PPP1R18: variants seen among roughly 807,000 people sequenced by gnomAD.
PPP1R18 encodes protein phosphatase 1 regulatory subunit 18.
PPP1R18 carries 31 observed loss-of-function variants against 54.8 expected under a neutral mutation model. The observed-to-expected ratio is 0.57, with a 90% CI of 0.43 to 0.76. The LOEUF is 0.76. PPP1R18 is among the 30% of genes least tolerant of loss of function. PPP1R18 has a pLI of 0.00. For missense variants in PPP1R18, 685 were observed against 776.1 expected (o/e 0.88, Z 1.39); for synonymous variants, 310 against 320.2 (o/e 0.97, Z 0.34).
chr6:30,676,961 G>C lies in PPP1R18; in HGVS notation c.*308C>G. On this transcript the variant is annotated 3_prime_UTR_variant, in exon 3 of 3. Coordinates refer to ENST00000274853, the MANE Select transcript of PPP1R18 (RefSeq NM_133471.4). Reference sequence around the variant, plus strand: ...CTGTGGGGAGAGTGTACCCTGCCATGGGGGGCAGGTGCTCCATCTCCACCC... The same window carrying C: ...CTGTGGGGAGAGTGTACCCTGCCATCGGGGGCAGGTGCTCCATCTCCACCC... 1.9e-6 allele frequency: 1 copy of C among 539,686 alleles called. No homozygotes were observed. Among genetic ancestry groups the C allele is most frequent in the South Asian group, 2.1e-5 (1 of 47,084 alleles). 33.4% of individuals were successfully genotyped at this position (539,686 alleles called of 1,614,324 possible). A position where few individuals can be genotyped will look rare whatever the true frequency, so the allele number is the denominator to read the frequency against.
intron 1 of PPP1R18, among the ~76,000 whole-genome samples, chr6:30,682,306 G>C (rs540425834): frequency 5.3e-5 from 8 of 152,202 alleles, no homozygotes; most frequent in African/African-American, 1.7e-4. Flanking sequence ...TGGTCTCTCA[G>C]CCCAACCAAG....
chr6:30,679,244 T>C lies in PPP1R18; in HGVS notation c.1757A>G (p.Glu586Gly). ...PAAQPDDEED[E>G]EELLLLQPEL... is the part of the protein sequence containing the mutation. ...TGGCTGCAGCAGCAGCAGCTCTTCCTCATCCTCTTCGTCGTCGGGTTGGGC... is the reference window on the plus strand; with the variant it reads ...TGGCTGCAGCAGCAGCAGCTCTTCCCCATCCTCTTCGTCGTCGGGTTGGGC... The change falls in exon 2 of 3, where the codon GAG (glutamate) becomes GGG (glycine). Residue 586 changes from glutamate to glycine, a missense_variant. By Grantham distance (98) the Glu-to-Gly change is moderately conservative (BLOSUM62 -2). Transcript: ENST00000274853. 1 of 1,578,472 alleles carries C rather than the reference T, an allele frequency of 6.3e-7. No homozygotes were observed. Among genetic ancestry groups the C allele is most frequent in the African/African-American group, 1.4e-5 (1 of 73,350 alleles).
chr6:30,680,600 G>A (rs1391443003), intron 1 of PPP1R18, among the ~76,000 whole-genome samples: 3 of 151,830 alleles, frequency 2.0e-5, no homozygotes, highest in African/African-American at 4.8e-5. Flanking sequence ...AGGTTGAGGC[G>A]GGAGGATTTC....
chr6:30,679,166 A>G lies in PPP1R18; in HGVS notation c.1822+13T>C. On this transcript the variant is annotated intron_variant, in intron 2 of 2. Coordinates refer to ENST00000274853, the MANE Select transcript of PPP1R18 (RefSeq NM_133471.4). Reference sequence around the variant, plus strand: ...GCAGGGGGCGCCCTCGGGCCGGCGGAGCCTCCGCTTACCCACAATCAGGGC... The same window carrying G: ...GCAGGGGGCGCCCTCGGGCCGGCGGGGCCTCCGCTTACCCACAATCAGGGC... 1 of 1,594,508 alleles carries G rather than the reference A, an allele frequency of 6.3e-7. No individual in the cohort carries two copies. Among genetic ancestry groups the G allele is most frequent in the Non-Finnish European group, 8.5e-7 (1 of 1,176,068 alleles).
chr6:30,681,218 G>T (rs961395323), intron 1 of PPP1R18, among the ~76,000 whole-genome samples: 9 of 151,594 alleles, frequency 5.9e-5, no homozygotes, highest in Non-Finnish European at 1.3e-4. Context: ...AGCCACACTG[G>T]CCTTGGTTCC....
rs1770737647 is a variant in PPP1R18, at chr6:30,684,480, C to G, written c.1539G>C (p.Leu513Phe). 6.2e-7 allele frequency: 1 copy of G among 1,611,320 alleles called. No homozygotes were observed. Among genetic ancestry groups the G allele is most frequent in the East Asian group, 2.2e-5 (1 of 44,842 alleles). ...TGAGACGGAGGTAGCCCCCCAGAAC[C>G]AAGATCTCCTCGGCAGTTGGGTACC... is the stretch of plus-strand genomic sequence containing the variant. ...KKRYPTAEEI[L>F]VLGGYLRLSR... The change falls in exon 1 of 3, where the codon TTG becomes TTC. Residue 513 changes from leucine to phenylalanine, a missense_variant. Transcript: ENST00000274853. The surrounding 1 kb of genome is among the most constrained non-coding windows in gnomAD (Gnocchi z 6.0).
chr6:30,678,279 G>A (rs1770315738), intron 2 of PPP1R18, among the ~76,000 whole-genome samples: 1 of 151,746 alleles, frequency 6.6e-6, no homozygotes, highest in Admixed American at 6.6e-5. Context: ...GTGCAATATT[G>A]GTTCACTGCA....
chr6:30,677,964 G>A (rs549325923), intron 2 of PPP1R18, among the ~76,000 whole-genome samples: 2 of 152,286 alleles, frequency 1.3e-5, no homozygotes, highest in South Asian at 2.1e-4. Context: ...AGGCTGGAGT[G>A]TAGTGGCGTC....
In PPP1R18 at chr6:30,684,819, G is replaced by A. The variant is rs1313053815; in HGVS notation, c.1200C>T (p.Pro400=). The change falls in exon 1 of 3, where the codon CCC becomes CCT. Residue 400 remains proline, a synonymous_variant. Coordinates refer to ENST00000274853, the MANE Select transcript of PPP1R18 (RefSeq NM_133471.4). This position sits in a 1 kb window ranked among gnomAD's most constrained non-coding sequence, Gnocchi z 6.0. ...CAGCGTCCTCTGGTGGGAGGGGGGA[G>A]GGCACAGAGCAGCAGTTCTGCAGGG... ...LRALQNCCSV[P]SPLPPEDAGT... The A allele has an allele frequency of 3.1e-6, 5 of 1,612,156 alleles. No homozygotes were observed. The African/African-American group carries it at 4.0e-5, about 13-fold the overall frequency.
At position 30,684,532 on chromosome 6, in the gene PPP1R18, G is replaced by A. The variant is rs773323281; in HGVS notation, c.1487C>T (p.Ala496Val). 1.9e-6 allele frequency: 3 copies of A among 1,612,656 alleles called. No individual in the cohort carries two copies. Among genetic ancestry groups the A allele is most frequent in the Non-Finnish European group, 2.5e-6 (3 of 1,179,838 alleles). ...CTTCTTCCCAGCCCCCGGGACTGCAGCATCAACTGTGGCTGGAGAGGTTGG... is the reference window on the plus strand; with the variant it reads ...CTTCTTCCCAGCCCCCGGGACTGCAACATCAACTGTGGCTGGAGAGGTTGG... ...ATPTSPATVD[A>V]AVPGAGKKRY... Residue 496 changes from alanine (A) to valine (V), a missense_variant, in exon 1 of 3, where the codon GCT becomes GTT. Coordinates refer to ENST00000274853, the MANE Select transcript of PPP1R18 (RefSeq NM_133471.4). This position sits in a 1 kb window ranked among gnomAD's most constrained non-coding sequence, Gnocchi z 6.0.
chr6:30,688,283 T>C, upstream of PPP1R18: 1 of 233,328 alleles, frequency 4.3e-6, no homozygotes, highest in South Asian at 7.6e-5. The surrounding 1 kb of genome is among the most constrained non-coding windows in gnomAD (Gnocchi z 5.9). Context: ...CTTCTTGGAG[T>C]GGAAGCCAGC....
At position 30,684,684 on chromosome 6, in the gene PPP1R18, C is replaced by T; in HGVS notation, c.1335G>A (p.Gly445=). Residue 445 remains glycine, a synonymous_variant, in exon 1 of 3, where the codon GGG becomes GGA. Transcript: ENST00000274853. This position sits in a 1 kb window ranked among gnomAD's most constrained non-coding sequence, Gnocchi z 6.0. ...AGAACAGGCGGCTCATGAGGGGATC[C>T]CCAGGAGGTTGGGGGGCAGTTGGGG... ...PPAPTAPQPP[G]DPLMSRLFYG... is the part of the protein sequence containing the mutation. 6.7e-7 allele frequency: 1 copy of T among 1,488,930 alleles called. No homozygotes were observed. The highest frequency in any genetic ancestry group is 9.0e-7 in the Non-Finnish European group (1 of 1,116,736). The allele number at this position is 1,488,930 out of a possible 1,614,324, so 92.2% of individuals were successfully genotyped here.
Position 30,685,813 on chromosome 6 carries a change from G to A in PPP1R18, c.206C>T (p.Pro69Leu). ...SPVLGTVEAG[P>L]PDPDESAVLL... is the part of the protein sequence containing the mutation. The stretch of plus-strand genomic sequence containing the variant: ...GACCGCAGACTCATCCGGGTCTGGA[G>A]GTCCAGCCTCTACAGTCCCTAGCAC... The change falls in exon 1 of 3, where the codon CCT becomes CTT. Residue 69 changes from proline (P) to leucine (L), a missense_variant. Pro to Leu is a moderately conservative substitution (Grantham distance 98). Transcript: ENST00000274853. This position sits in a 1 kb window ranked among gnomAD's most constrained non-coding sequence, Gnocchi z 5.0. The A allele has an allele frequency of 1.2e-6, 2 of 1,613,032 alleles. No individual in the cohort carries two copies. The highest frequency in any genetic ancestry group is 1.7e-6 in the Non-Finnish European group (2 of 1,180,026).
At chr6:30,678,444 C>T (rs1333514348) in intron 2 of PPP1R18, among the ~76,000 whole-genome samples, 1 of 151,244 alleles carries the variant, frequency 6.6e-6, no homozygotes, top group Non-Finnish European at 1.5e-5. Context: ...GGCACGACCT[C>T]GGCTCACTGC....
chr6:30,678,599 C>T (rs1382876245), intron 2 of PPP1R18, among the ~76,000 whole-genome samples: 10 of 151,060 alleles, frequency 6.6e-5, no homozygotes, highest in Admixed American at 5.3e-4. Context: ...AGGATGGTCT[C>T]GATCTCCTGA....
At chr6:30,681,862 GA>G (rs1206004083) in intron 1 of PPP1R18, among the ~76,000 whole-genome samples, 33 of 152,176 alleles carry the variant, frequency 2.2e-4, no homozygotes, top group Non-Finnish European at 1.5e-5. Flanking sequence ...GCCATCAGAG[GA>G]CCAATGCTGG....
chr6:30,677,549 T>C (rs1300750634), intron 2 of PPP1R18, among the ~76,000 whole-genome samples: 2 of 152,100 alleles, frequency 1.3e-5, no homozygotes, highest in Non-Finnish European at 2.9e-5. Context: ...TGGCTCTTGG[T>C]GCTTCACAAA....
At chr6:30,678,668 G>A (rs928699222) in intron 2 of PPP1R18, among the ~76,000 whole-genome samples, 28 of 152,084 alleles carry the variant, frequency 1.8e-4, no homozygotes, top group African/African-American at 2.9e-4. Flanking sequence ...GTGAGCCACC[G>A]TGCCCGGCCC....
intron 2 of PPP1R18, 47 bp from the exon 3 acceptor site, chr6:30,677,335 G>A: frequency 6.5e-7 from 1 of 1,530,582 alleles, no homozygotes; most frequent in East Asian, 2.4e-5. Flanking sequence ...GAGAGCCTCT[G>A]CCTTCTGCCC....
Sources: gnomAD v4.1 joint callset for allele counts (sites outside exome capture counted in the v4.1 genomes callset) on GRCh38, gnomAD v4.1.1 for gene constraint, Gnocchi (gnomAD v3.1) non-coding constraint, MANE v1.5 for transcripts, NCBI Gene and HGNC (gene_info 2026-07-23, HGNC 2026-07-21) for gene names.